PINX1: variants seen among roughly 807,000 people sequenced by gnomAD.
PINX1 encodes PIN2 (TERF1) interacting telomerase inhibitor 1, also known as PIN2/TERF1-interacting telomerase inhibitor 1.
In PINX1, 34 loss-of-function variants were observed where a neutral mutation model predicts 25.4. The observed-to-expected ratio is 1.34, with a 90% confidence interval of 1.02 to 1.78. The LOEUF (loss-of-function observed/expected upper bound fraction) is 1.78. PINX1 is among the 40% of genes most tolerant of loss of function. The pLI, the probability that PINX1 is intolerant of heterozygous loss-of-function variation, is 0.00. For synonymous variants in PINX1, 197 were observed against 147.7 expected (o/e 1.33, Z -2.42); for missense variants, 592 against 404.9 (o/e 1.46, Z -3.97).
At chr8:10,836,303 A>G (rs1196890474) in intron 1 of PINX1, among the ~76,000 whole-genome samples, 1 of 152,138 alleles carries the variant, frequency 6.6e-6, no homozygotes, top group East Asian at 1.9e-4. Flanking sequence ...AAGGTGACCC[A>G]AAAATGTTCC....
At chr8:10,806,480 C>T (rs1802456383) in intron 6 of PINX1, among the ~76,000 whole-genome samples, 1 of 152,174 alleles carries the variant, frequency 6.6e-6, no homozygotes, top group Admixed American at 6.5e-5. Flanking sequence ...CATTCCCACC[C>T]CCCTCACATG....
intron 6 of PINX1, chr8:10,771,064 C>T (rs916576452): frequency 5.9e-5 from 9 of 152,194 alleles, no homozygotes; most frequent in African/African-American, 1.7e-4. Context: ...TCAGCCTGTG[C>T]TGGGTTAGTC....
intron 6 of PINX1, among the ~76,000 whole-genome samples, chr8:10,810,666 G>A (rs938903913): frequency 1.6e-4 from 25 of 152,186 alleles, no homozygotes; most frequent in African/African-American, 5.8e-4. Context: ...GGGAACTACC[G>A]AGCATGTCAG....
intron 5 of PINX1, among the ~76,000 whole-genome samples, chr8:10,824,808 G>A (rs570258559): frequency 5.3e-5 from 8 of 152,334 alleles, no homozygotes; most frequent in African/African-American, 1.7e-4. Context: ...CTCTGCAACA[G>A]CACCTTCTGT....
intron 6 of PINX1, among the ~76,000 whole-genome samples, chr8:10,777,805 G>C (rs943770998): frequency 4.6e-5 from 7 of 152,190 alleles, no homozygotes; most frequent in African/African-American, 1.7e-4. Flanking sequence ...TCACTGCCTT[G>C]TGCGACTGGC....
chr8:10,820,312 T>C (rs1797828767), intron 5 of PINX1, 43 bp from the exon 6 acceptor site: 1 of 1,375,776 alleles, frequency 7.3e-7, no homozygotes, highest in Non-Finnish European at 1.0e-6. Context: ...CTGTTCTTCC[T>C]AAAAGAAAGA....
At chr8:10,784,333 C>G (rs989242614) in intron 6 of PINX1, among the ~76,000 whole-genome samples, 21 of 152,212 alleles carry the variant, frequency 1.4e-4, no homozygotes, top group African/African-American at 4.8e-4. Context: ...ACAAAGTAAG[C>G]AGGCACACAA....
chr8:10,802,120 G>A (rs1426940131), intron 6 of PINX1, among the ~76,000 whole-genome samples: 1 of 152,160 alleles, frequency 6.6e-6, no homozygotes, highest in Non-Finnish European at 1.5e-5. Flanking sequence ...GGTAGTTTGG[G>A]GGACGGAAGA....
At chr8:10,820,155 A>G in intron 6 of PINX1, 38 bp downstream of exon 6, 1 of 1,278,322 alleles carries the variant, frequency 7.8e-7, no homozygotes, top group South Asian at 1.2e-5. Flanking sequence ...ATCAGACAGT[A>G]TTAAAGCGGA....
Position 10,765,503 on chromosome 8 carries a change from C to CT in PINX1, c.884dup (p.Arg296GlufsTer58), listed in dbSNP as rs764061345. On this transcript the variant is annotated frameshift_variant, in exon 7 of 7. Transcript: ENST00000314787. LOFTEE classifies it low-confidence loss of function (END_TRUNC). ...TTTGCAGCTTTTTCTTCCCTCTCCT[C>CT]TTTTTGGGCTTCAGGGTGAAGTCCC... is the stretch of plus-strand genomic sequence containing the variant. The CT allele has an allele frequency of 6.2e-7, 1 of 1,613,730 alleles. No homozygotes were observed. Among genetic ancestry groups the CT allele is most frequent in the East Asian group, 2.2e-5 (1 of 44,890 alleles).
chr8:10,771,289 G>C (rs1197236001), intron 6 of PINX1: 1 of 152,170 alleles, frequency 6.6e-6, no homozygotes, highest in Non-Finnish European at 1.5e-5. Context: ...CAACAGAAGG[G>C]GCAGGATGAA....
chr8:10,782,150 A>T (rs373912222), intron 6 of PINX1, among the ~76,000 whole-genome samples: 31 of 152,294 alleles, frequency 2.0e-4, no homozygotes, highest in Non-Finnish European at 2.8e-4. Flanking sequence ...AGTAAGATAA[A>T]ATGTGGTTAC....
intron 6 of PINX1, among the ~76,000 whole-genome samples, chr8:10,795,700 C>CA (rs1293493109): frequency 1.3e-5 from 2 of 152,168 alleles, no homozygotes; most frequent in Non-Finnish European, 2.9e-5. Context: ...TTTTTATAGT[C>CA]ACTGCTTGTA....
intron 6 of PINX1, among the ~76,000 whole-genome samples, chr8:10,776,735 G>A (rs1231586877): frequency 6.6e-6 from 1 of 152,124 alleles, no homozygotes; most frequent in Non-Finnish European, 1.5e-5. Context: ...GGGAAGCAAG[G>A]GATGGGATGG....
chr8:10,808,509 G>A (rs1164425464), intron 6 of PINX1, among the ~76,000 whole-genome samples: 2 of 152,178 alleles, frequency 1.3e-5, no homozygotes, highest in African/African-American at 4.8e-5. Flanking sequence ...TTGTTCAAAT[G>A]CTTAATGTGA....
intron 6 of PINX1, among the ~76,000 whole-genome samples, chr8:10,785,137 G>A (rs1801707690): frequency 6.6e-6 from 1 of 152,298 alleles, no homozygotes; most frequent in African/African-American, 2.4e-5. Context: ...GTTTTAAACA[G>A]AAATTTCTGG....
In PINX1 at chr8:10,766,493, G is replaced by A. The variant is rs574618068; in HGVS notation, c.472-577C>T. On this transcript the variant is annotated intron_variant, in intron 6 of 6. Transcript: ENST00000314787. ...CTTTCTCCCCCAAAGGTGGAGCGTG[G>A]CCGCTCTGGCAGCTGCTCCTGAAGG... Among the ~76,000 whole-genome samples, 6 of 152,320 alleles carry A rather than the reference G, an allele frequency of 3.9e-5. No homozygotes were observed. In the South Asian group the frequency reaches 1.2e-3, roughly 32 times the overall value.
At chr8:10,787,873 G>C (rs755453585) in intron 6 of PINX1, 3 of 454,144 alleles carry the variant, frequency 6.6e-6, no homozygotes, top group Non-Finnish European at 1.3e-5. Flanking sequence ...GGTTAAGAAA[G>C]TCTGAAAGAC....
At position 10,832,986 on chromosome 8, in the gene PINX1, T is replaced by C; in HGVS notation, c.130-2A>G. On this transcript the variant is annotated splice_acceptor_variant, in intron 2 of 6. Coordinates refer to ENST00000314787, the MANE Select transcript of PINX1 (RefSeq NM_017884.6). LOFTEE classifies it high-confidence loss of function. ...TCCTTGCTCCTGAGCCCCTAAACCC[T>C]GTGGAGATTAAACACAGAGAGTTAG... 1.3e-6 allele frequency: 2 copies of C among 1,593,692 alleles called. No homozygotes were observed. Among genetic ancestry groups the C allele is most frequent in the Non-Finnish European group, 1.7e-6 (2 of 1,164,862 alleles).
Sources: allele counts gnomAD v4.1 joint callset (sites outside exome capture counted in the v4.1 genomes callset), GRCh38; gene constraint gnomAD v4.1.1; transcripts MANE v1.5; gene names NCBI Gene and HGNC (gene_info 2026-07-23, HGNC 2026-07-21).